Variants in HORMAD2 observed in about 807,000 individuals in gnomAD.
HORMAD2 encodes HORMA domain-containing protein 2.
Under a neutral mutation model 38.8 loss-of-function variants are expected in HORMAD2, and 45 were observed. The observed-to-expected ratio is 1.16, with a 90% CI of 0.91 to 1.49. The LOEUF (loss-of-function observed/expected upper bound fraction) is 1.49. HORMAD2 is among the 40% of genes most tolerant of loss of function. The probability of loss-of-function intolerance (pLI) is 0.00; values close to 1 mark genes in which losing one functional copy is unlikely to be tolerated. For synonymous variants in HORMAD2, 126 were observed against 122.8 expected (o/e 1.03, Z -0.17); for missense variants, 338 against 367.0 (o/e 0.92, Z 0.65).
chr22:30,127,199 CTTTTTTTTTTTTTT>C (rs757608874), intron 10 of HORMAD2, among the ~76,000 whole-genome samples: 2 of 79,816 alleles, frequency 2.5e-5, no homozygotes, highest in South Asian at 4.5e-4. Flanking sequence ...AACAGAAGTT[CTTTTTTTTTTTTTT>C]TTTTTTTTTT....
chr22:30,098,556 G>A (rs1920925031), intron 2 of HORMAD2, among the ~76,000 whole-genome samples: 1 of 152,152 alleles, frequency 6.6e-6, no homozygotes, highest in African/African-American at 2.4e-5. Context: ...GGTCTGAGGA[G>A]TGTATGAGAG....
intron 3 of HORMAD2, 138 bp from the exon 4 acceptor site, chr22:30,103,299 C>T (rs1237235503): frequency 8.4e-6 from 5 of 592,194 alleles, no homozygotes; most frequent in Non-Finnish European, 1.2e-5. Flanking sequence ...TTTAGAGATC[C>T]AAAATGTTTT....
At chr22:30,105,790 T>A (rs1157008395) in intron 5 of HORMAD2, among the ~76,000 whole-genome samples, 1 of 152,192 alleles carries the variant, frequency 6.6e-6, no homozygotes, top group Non-Finnish European at 1.5e-5. Flanking sequence ...GAATGGTGAA[T>A]AGCTACTTTT....
In HORMAD2 at chr22:30,118,785, T is replaced by A. The variant is rs9608846; in HGVS notation, c.343-195T>A. On this transcript the variant is annotated intron_variant, in intron 7 of 10. Coordinates refer to ENST00000336726, the MANE Select transcript of HORMAD2 (RefSeq NM_152510.4). The stretch of plus-strand genomic sequence containing the variant: ...TAGTATCTTTCATCTAATTTATTTT[T>A]AGCATGGAGGAGAAAAACTAGGTTG... 2.4e-3 allele frequency among the ~76,000 whole-genome samples: 368 copies of A among 152,354 alleles called. 3 individuals are homozygous for A. Among genetic ancestry groups the A allele is most frequent in the Non-Finnish European group, 4.7e-3 (321 of 68,028 alleles).
downstream of HORMAD2, among the ~76,000 whole-genome samples, chr22:30,178,705 C>T (rs1312176179): frequency 1.8e-4 from 28 of 152,208 alleles, no homozygotes; most frequent in Admixed American, 1.8e-3. Context: ...CTGAGCTGTT[C>T]TAGACCAGCC....
chr22:30,129,339 T>A (rs1235698871), intron 10 of HORMAD2, among the ~76,000 whole-genome samples: 1 of 150,348 alleles, frequency 6.7e-6, no homozygotes, highest in East Asian at 2.0e-4. Context: ...CCCTTTAGAA[T>A]TGTGGCTGAA....
intron 10 of HORMAD2, among the ~76,000 whole-genome samples, chr22:30,128,283 T>G (rs905582637): frequency 6.6e-6 from 1 of 152,138 alleles, no homozygotes; most frequent in African/African-American, 2.4e-5. Context: ...ATCAATACTG[T>G]TTTTATTTTT....
At chr22:30,105,419 C>G (rs1483399199) in intron 5 of HORMAD2, 1 of 153,774 alleles carries the variant, frequency 6.5e-6, no homozygotes, top group East Asian at 1.9e-4. Context: ...GGCTGCTGCT[C>G]TCCAGTGACA....
chr22:30,188,219 G>C, the HORMAD2 span, among the ~76,000 whole-genome samples: 1 of 152,158 alleles, frequency 6.6e-6, no homozygotes, highest in East Asian at 1.9e-4. Flanking sequence ...AGCCAAAGAG[G>C]TAAACAGCAT....
At chr22:30,153,364 G>A (rs1311408793) in intron 10 of HORMAD2, among the ~76,000 whole-genome samples, 1 of 151,978 alleles carries the variant, frequency 6.6e-6, no homozygotes, top group Non-Finnish European at 1.5e-5. Context: ...AATATCTCAT[G>A]AGTCTTATTT....
At chr22:30,164,783 C>T (rs1925676014) in intron 10 of HORMAD2, among the ~76,000 whole-genome samples, 1 of 152,138 alleles carries the variant, frequency 6.6e-6, no homozygotes, top group Admixed American at 6.6e-5. Flanking sequence ...TGTGAGCCAC[C>T]ATACCCACTA....
At chr22:30,163,507 C>T (rs1925582757) in intron 10 of HORMAD2, among the ~76,000 whole-genome samples, 1 of 152,188 alleles carries the variant, frequency 6.6e-6, no homozygotes, top group Non-Finnish European at 1.5e-5. Flanking sequence ...TCACCTCAAC[C>T]TCTGCCTCCT....
rs1922455192 is a variant in HORMAD2, at chr22:30,121,764, T to C, written c.543T>C (p.Thr181=). 3 of 1,612,228 alleles carry C rather than the reference T, an allele frequency of 1.9e-6. No homozygotes were observed. Among genetic ancestry groups the C allele is most frequent in the Middle Eastern group, 1.6e-4 (1 of 6,080 alleles). The change falls in exon 9 of 11, where the codon ACT becomes ACC. Residue 181 remains threonine (T), a synonymous_variant. Coordinates refer to ENST00000336726, the MANE Select transcript of HORMAD2 (RefSeq NM_152510.4). ...LEPLPNNVVL[T]MKLHYYNAVT... is the part of the protein sequence containing the mutation. ...CACTTCCTAATAATGTTGTACTTAC[T>C]ATGAAACTCCACTACTATAATGCAG...
At chr22:30,189,508 C>G in the HORMAD2 span, among the ~76,000 whole-genome samples, 58 of 152,118 alleles carry the variant, frequency 3.8e-4, no homozygotes, top group African/African-American at 1.3e-3. Context: ...ACCATTATCT[C>G]CTGGGGGTGG....
At chr22:30,102,377 G>A (rs1260046286) in intron 3 of HORMAD2, among the ~76,000 whole-genome samples, 1 of 152,130 alleles carries the variant, frequency 6.6e-6, no homozygotes, top group African/African-American at 2.4e-5. Flanking sequence ...GACAGTTATT[G>A]TGGAAGTTTT....
chr22:30,204,994 C>T, the HORMAD2 span, among the ~76,000 whole-genome samples: 10 of 152,224 alleles, frequency 6.6e-5, no homozygotes, highest in Admixed American at 2.0e-4. Context: ...CCCGGGGTGG[C>T]GGCTCAAACA....
intron 7 of HORMAD2, among the ~76,000 whole-genome samples, chr22:30,116,216 T>C (rs565541451): frequency 6.6e-6 from 1 of 152,160 alleles, no homozygotes; most frequent in Admixed American, 6.5e-5. Flanking sequence ...CTTAGCTGAG[T>C]GCAAGGGAAA....
chr22:30,136,972 G>T, intron 10 of HORMAD2: 1 of 532,000 alleles, frequency 1.9e-6, no homozygotes, highest in South Asian at 2.2e-5. Context: ...ATCTTCTTCT[G>T]GATTTGGCAG....
At chr22:30,203,395 A>AG in the HORMAD2 span, among the ~76,000 whole-genome samples, 1 of 1,946 alleles carries the variant, frequency 5.1e-4, no homozygotes, top group African/African-American at 1.1e-3. Context: ...ACTCTGTCTC[A>AG]AAAAAAAAAA....
Sources: gnomAD v4.1 joint callset for allele counts (sites outside exome capture counted in the v4.1 genomes callset) on GRCh38, gnomAD v4.1.1 for gene constraint, MANE v1.5 for transcripts, NCBI Gene and HGNC (gene_info 2026-07-23, HGNC 2026-07-21) for gene names.